THSD7B: variants seen among roughly 807,000 people sequenced by gnomAD.
THSD7B encodes the protein thrombospondin type-1 domain-containing protein 7B.
Under a neutral mutation model 213.6 loss-of-function variants are expected in THSD7B, and 138 were observed. The ratio of observed to expected loss-of-function variants is 0.65; its 90% CI spans 0.56 to 0.74. The LOEUF is 0.74. Ranked by LOEUF, THSD7B falls within the 30% of genes least tolerant of loss-of-function variation. The pLI is 0.00. For missense variants in THSD7B, 1,931 were observed against 1,991.5 expected (o/e 0.97, Z 0.58); for synonymous variants, 742 against 687.0 (o/e 1.08, Z -1.25).
chr2:137,298,216 C>A (rs1683513523), intron 12 of THSD7B, among the ~76,000 whole-genome samples: 1 of 152,106 alleles, frequency 6.6e-6, no homozygotes, highest in African/African-American at 2.4e-5. Flanking sequence ...TATGTTTTAG[C>A]AAAGAGATTG....
At chr2:137,489,872 G>A (rs1411212342) in intron 15 of THSD7B, among the ~76,000 whole-genome samples, 3 of 152,112 alleles carry the variant, frequency 2.0e-5, no homozygotes, top group Non-Finnish European at 4.4e-5. Flanking sequence ...CCACATCTCT[G>A]CATGAACATC....
intron 12 of THSD7B, among the ~76,000 whole-genome samples, chr2:137,317,740 C>G (rs918068563): frequency 6.6e-6 from 1 of 152,096 alleles, no homozygotes; most frequent in South Asian, 2.1e-4. Context: ...CATAACCAGA[C>G]CTTGTCTCTA....
chr2:137,363,226 CAATT>C (rs1477472023), intron 12 of THSD7B, among the ~76,000 whole-genome samples: 56 of 152,252 alleles, frequency 3.7e-4, no homozygotes, highest in African/African-American at 1.3e-3. Flanking sequence ...TTCTAGGACA[CAATT>C]AAAGCAGTGT....
At chr2:137,086,433 C>T (rs2104909589) in intron 3 of THSD7B, among the ~76,000 whole-genome samples, 1 of 152,248 alleles carries the variant, frequency 6.6e-6, no homozygotes, top group South Asian at 2.1e-4. Context: ...TGGTTCCTAA[C>T]TCGTATCCCT....
chr2:137,275,830 C>A, intron 11 of THSD7B, 93 bp from the exon 12 acceptor site: 1 of 921,458 alleles, frequency 1.1e-6, no homozygotes, highest in Non-Finnish European at 1.6e-6. Flanking sequence ...GAATTACTGT[C>A]TTTACTTTTT....
At chr2:137,595,149 T>C (rs1343048072) in intron 17 of THSD7B, among the ~76,000 whole-genome samples, 1 of 152,002 alleles carries the variant, frequency 6.6e-6, no homozygotes, top group African/African-American at 2.4e-5. Context: ...CACCTTTCCG[T>C]ATGATATTTT....
At chr2:137,658,479 A>G (rs1164716709) in intron 24 of THSD7B, among the ~76,000 whole-genome samples, 1 of 152,216 alleles carries the variant, frequency 6.6e-6, no homozygotes, top group Non-Finnish European at 1.5e-5. Context: ...AATATGTTCT[A>G]TAACCTATGT....
At chr2:137,629,923 C>A (rs1682708578) in intron 20 of THSD7B, among the ~76,000 whole-genome samples, 2 of 152,082 alleles carry the variant, frequency 1.3e-5, no homozygotes, top group Admixed American at 6.5e-5. Flanking sequence ...TATTTAAGGT[C>A]CCATGTTAAG....
At chr2:137,089,141 C>T (rs552364331) in intron 3 of THSD7B, among the ~76,000 whole-genome samples, 8 of 151,366 alleles carry the variant, frequency 5.3e-5, no homozygotes, top group Non-Finnish European at 8.8e-5. Flanking sequence ...AGTCATTATA[C>T]GAAAAATATA....
chr2:137,170,883 T>C lies in THSD7B; in HGVS notation c.1668T>C (p.His556=), dbSNP rs570820992. ...CAGAAGGGATCTGTTTCCCTGATCATGGAAAATGTGGCCTGGGACATCGTA... is the reference window on the plus strand; with the variant it reads ...CAGAAGGGATCTGTTTCCCTGATCACGGAAAATGTGGCCTGGGACATCGTA... ...LASEGICFPD[H]GKCGLGHRIL... Residue 556 remains histidine (H), a synonymous_variant, in exon 7 of 28, where the codon CAT becomes CAC. Coordinates refer to ENST00000409968, the MANE Select transcript of THSD7B (RefSeq NM_001316349.2). 23 of 1,613,514 alleles carry C rather than the reference T, an allele frequency of 1.4e-5. No homozygotes were observed. The African/African-American group carries it at 2.8e-4, about 20-fold the overall frequency.
rs1179174120 is a variant in THSD7B at position 137,639,457 on chromosome 2, G to C, written c.3800-3031G>C. Among the ~76,000 whole-genome samples, 8 of 152,238 alleles carry C rather than the reference G, an allele frequency of 5.3e-5. No homozygotes were observed. The East Asian group carries it at 1.3e-3, about 26-fold the overall frequency. ...GGAAAACCCCCTCTAGGGCAGTGCAGAAGGGAAATATGGGGTCGGAGCCCC... is the reference window on the plus strand; with the variant it reads ...GGAAAACCCCCTCTAGGGCAGTGCACAAGGGAAATATGGGGTCGGAGCCCC... On this transcript the variant is annotated intron_variant, in intron 20 of 27. Transcript: ENST00000409968.
rs906633419 is a variant in THSD7B, at chr2:137,021,765, T to C, written c.140-34655T>C. ...ACCCATACTCACCATCCCTGACTCC[T>C]GGCAACCACTAATCCGTTCTTTATT... On this transcript the variant is annotated intron_variant, in intron 2 of 27. Coordinates refer to ENST00000409968, the MANE Select transcript of THSD7B (RefSeq NM_001316349.2). Among the ~76,000 whole-genome samples the C allele has an allele frequency of 2.0e-5, 3 of 152,196 alleles. No homozygotes were observed. In the East Asian group the frequency reaches 5.8e-4, roughly 29 times the overall value.
At chr2:137,502,265 A>G (rs1238186508) in intron 15 of THSD7B, among the ~76,000 whole-genome samples, 1 of 131,696 alleles carries the variant, frequency 7.6e-6, no homozygotes, top group African/African-American at 2.7e-5. Context: ...GTAGTTAACT[A>G]TGCAACATAA....
At chr2:137,595,562 T>A (rs540236494) in intron 17 of THSD7B, among the ~76,000 whole-genome samples, 1 of 152,116 alleles carries the variant, frequency 6.6e-6, no homozygotes, top group Non-Finnish European at 1.5e-5. Flanking sequence ...CAAATATGAA[T>A]CCAAGAAAGT....
chr2:136,835,911 G>A (rs1682834151), intron 1 of THSD7B, among the ~76,000 whole-genome samples: 1 of 152,096 alleles, frequency 6.6e-6, no homozygotes, highest in African/African-American at 2.4e-5. Context: ...GAGAATTAAT[G>A]TCTGTTTATT....
At chr2:137,266,480 G>T (rs1682592068) in intron 10 of THSD7B, among the ~76,000 whole-genome samples, 1 of 152,274 alleles carries the variant, frequency 6.6e-6, no homozygotes, top group South Asian at 2.1e-4. Flanking sequence ...GTGGTGAATT[G>T]TATATATAAG....
intron 5 of THSD7B, among the ~76,000 whole-genome samples, chr2:137,158,902 T>C (rs1282558669): frequency 1.3e-5 from 2 of 152,142 alleles, no homozygotes; most frequent in African/African-American, 4.8e-5. Context: ...TACAAACTAG[T>C]GTGTAAAATA....
At chr2:137,079,219 G>A (rs533287565) in intron 3 of THSD7B, among the ~76,000 whole-genome samples, 125 of 152,054 alleles carry the variant, frequency 8.2e-4, no homozygotes, top group African/African-American at 3.0e-3. Flanking sequence ...CTCTATTATC[G>A]ATGTGATTTA....
chr2:137,237,376 C>A (rs72971594), intron 9 of THSD7B, among the ~76,000 whole-genome samples: 5 of 152,094 alleles, frequency 3.3e-5, no homozygotes, highest in African/African-American at 1.2e-4. Context: ...AGTTTTGTTG[C>A]GGAAATAGCT....
Sources: gnomAD v4.1 joint callset for allele counts (sites outside exome capture counted in the v4.1 genomes callset) on GRCh38, gnomAD v4.1.1 for gene constraint, MANE v1.5 for transcripts, NCBI Gene and HGNC (gene_info 2026-07-23, HGNC 2026-07-21) for gene names.